KIF2A: variants seen among roughly 807,000 people sequenced by gnomAD.
The protein encoded by KIF2A is kinesin family member 2A.
Under a neutral mutation model 100.2 loss-of-function variants are expected in KIF2A, and 22 were observed. That is an observed-to-expected ratio of 0.22 (90% CI 0.16 to 0.31). The LOEUF (loss-of-function observed/expected upper bound fraction) is 0.31. Among genes scored for constraint, KIF2A ranks in the 10% least tolerant of loss-of-function variants. The pLI is 1.00. For synonymous variants in KIF2A, 268 were observed against 285.9 expected, an observed-to-expected ratio of 0.94 and a Z score of 0.63; for missense variants, 495 against 898.7, an observed-to-expected ratio of 0.55 and a Z score of 5.74.
At chr5:62,308,206 A>T (rs1454150681) in intron 1 of KIF2A, 1 of 483,480 alleles carries the variant, frequency 2.1e-6, no homozygotes, top group African/African-American at 1.9e-5. Context: ...TACCAATAAC[A>T]CTAATGGGAA....
chr5:62,328,223 C>G (rs531558409), intron 1 of KIF2A, among the ~76,000 whole-genome samples: 8 of 151,648 alleles, frequency 5.3e-5, no homozygotes, highest in Admixed American at 1.3e-4. Flanking sequence ...AATGTAGATA[C>G]GAAGAATAGC....
rs1283227353 is a variant in KIF2A, at chr5:62,363,724, A to G, written c.1292A>G (p.His431Arg). The G allele has an allele frequency of 6.2e-7, 1 of 1,613,966 alleles. No homozygotes were observed. The highest frequency in any genetic ancestry group is 8.5e-7 in the Non-Finnish European group (1 of 1,179,836). Residue 431 changes from histidine to arginine, a missense_variant, in exon 14 of 21, where the codon CAT becomes CGT. Around this residue, in one of 10 missense-constraint regions of KIF2A, gnomAD observed 38 missense variants for 99.5 expected, o/e 0.38. Coordinates refer to ENST00000407818, the MANE Select transcript of KIF2A (RefSeq NM_001098511.3). ...TCCGGTCAAACATCTGCAAATGCAC[A>G]TTCATCTCGGAGCCATGCAGTGTTT... ...RTSGQTSANA[H>R]SSRSHAVFQI...
intron 1 of KIF2A, among the ~76,000 whole-genome samples, chr5:62,327,136 G>C (rs1746416673): frequency 6.6e-6 from 1 of 151,988 alleles, no homozygotes; most frequent in South Asian, 2.1e-4. Flanking sequence ...GTAAATTCTT[G>C]ATCTCCTTTG....
chr5:62,361,642 C>T, intron 11 of KIF2A, 113 bp downstream of exon 11: 1 of 612,442 alleles, frequency 1.6e-6, no homozygotes, highest in Non-Finnish European at 2.9e-6. Context: ...TATTAACTGT[C>T]TATTATGTCA....
At chr5:62,375,915 T>G (rs771245539) in intron 18 of KIF2A, among the ~76,000 whole-genome samples, 4 of 152,196 alleles carry the variant, frequency 2.6e-5, no homozygotes, top group Non-Finnish European at 4.4e-5. Flanking sequence ...TGGTTCAAAC[T>G]AAGAGTTCTA....
At chr5:62,346,637 G>C (rs1302382580) in intron 1 of KIF2A, among the ~76,000 whole-genome samples, 1 of 152,268 alleles carries the variant, frequency 6.6e-6, no homozygotes, top group Admixed American at 6.5e-5. Flanking sequence ...CTACTTAGGA[G>C]GCTGAGGCAC....
chr5:62,383,874 T>G (rs1205355324), intron 20 of KIF2A, among the ~76,000 whole-genome samples: 1 of 152,194 alleles, frequency 6.6e-6, no homozygotes, highest in Non-Finnish European at 1.5e-5. Context: ...CCATAACTTT[T>G]AAGAAATTAC....
chr5:62,329,649 T>C, intron 1 of KIF2A, among the ~76,000 whole-genome samples: 1 of 152,250 alleles, frequency 6.6e-6, no homozygotes, highest in East Asian at 1.9e-4. Context: ...CTGTGAATAT[T>C]ACTGTGTAGT....
intron 1 of KIF2A, among the ~76,000 whole-genome samples, chr5:62,344,045 A>G (rs1430677957): frequency 1.3e-5 from 2 of 152,098 alleles, no homozygotes; most frequent in Admixed American, 6.6e-5. Context: ...TATTTTTCTC[A>G]TCTATAAATG....
At chr5:62,367,414 G>A (rs185345951) in intron 16 of KIF2A, among the ~76,000 whole-genome samples, 17 of 152,034 alleles carry the variant, frequency 1.1e-4, no homozygotes, top group Admixed American at 1.0e-3. Context: ...CCATAGGCGT[G>A]TACCACCATA....
chr5:62,307,401 T>C (rs1474658033), intron 1 of KIF2A, among the ~76,000 whole-genome samples: 1 of 152,126 alleles, frequency 6.6e-6, no homozygotes, highest in Non-Finnish European at 1.5e-5. Flanking sequence ...CTTAGGCTTA[T>C]GTATCTTTCT....
At chr5:62,352,768 G>C (rs960761308) in intron 5 of KIF2A, 58 bp downstream of exon 5, 3 of 1,451,034 alleles carry the variant, frequency 2.1e-6, no homozygotes, top group East Asian at 4.8e-5. Flanking sequence ...ATTCTCTCTT[G>C]GTCATCCTTT....
At chr5:62,374,440 C>T (rs1240009361) in intron 18 of KIF2A, among the ~76,000 whole-genome samples, 1 of 152,006 alleles carries the variant, frequency 6.6e-6, no homozygotes, top group African/African-American at 2.4e-5. Flanking sequence ...CCAATCTAAA[C>T]CATTCATTTT....
intron 1 of KIF2A, among the ~76,000 whole-genome samples, chr5:62,345,490 A>AAAG (rs1554040840): frequency 6.1e-5 from 9 of 147,846 alleles, no homozygotes; most frequent in Admixed American, 1.3e-4. Context: ...TCAAAAAAAA[A>AAAG]AAAAGAAAAG....
At position 62,361,463 on chromosome 5, in the gene KIF2A, T is replaced by C. The variant is rs1235347385; in HGVS notation, c.964-3T>C. ...TGTTCTTTATTTTCTTTTTAAAATA[T>C]AGACTATGGGTGGTGACTTTTCAGG... On this transcript the variant is annotated splice_region_variant and splice_polypyrimidine_tract_variant and intron_variant, in intron 10 of 20. Transcript: ENST00000407818. The C allele has an allele frequency of 1.3e-6, 2 of 1,555,310 alleles. No homozygotes were observed. The highest frequency in any genetic ancestry group is 8.8e-7 in the Non-Finnish European group (1 of 1,130,258).
At chr5:62,369,316 T>TA (rs1391051234) in intron 16 of KIF2A, among the ~76,000 whole-genome samples, 1 of 152,120 alleles carries the variant, frequency 6.6e-6, no homozygotes, top group Non-Finnish European at 1.5e-5. Context: ...TCAGGAAACT[T>TA]ACAGTCATGG....
At position 62,385,720 on chromosome 5, in the gene KIF2A, A is replaced by G. The variant is rs1436849277; in HGVS notation, c.*151A>G. On this transcript the variant is annotated 3_prime_UTR_variant, in exon 21 of 21. Transcript: ENST00000407818. The stretch of plus-strand genomic sequence containing the variant: ...GAATTACATTTCAATTTTGTGAAAC[A>G]CTCTTTTGTCTACAAAATGCTTCTA... 6 of 608,996 alleles carry G rather than the reference A, an allele frequency of 9.9e-6. No individual in the cohort carries two copies. The East Asian group carries it at 1.4e-4, about 14-fold the overall frequency. The allele number at this position is 608,996 out of a possible 1,614,324, so 37.7% of individuals were successfully genotyped here. A position where few individuals can be genotyped will look rare whatever the true frequency, so the allele number is the denominator to read the frequency against.
chr5:62,326,938 A>G (rs1295253330), intron 1 of KIF2A, among the ~76,000 whole-genome samples: 2 of 152,146 alleles, frequency 1.3e-5, no homozygotes, highest in African/African-American at 2.4e-5. Context: ...CGGAGATTGC[A>G]GTGAGCCGAG....
intron 1 of KIF2A, among the ~76,000 whole-genome samples, chr5:62,315,281 C>T (rs1279799117): frequency 6.7e-6 from 1 of 149,268 alleles, no homozygotes. Context: ...AGCAACCCAC[C>T]ACAGCCAATA....
Sources: gnomAD v4.1 joint callset for allele counts (sites outside exome capture counted in the v4.1 genomes callset) on GRCh38, gnomAD v4.1.1 for gene constraint, gnomAD v4.1.1 regional missense constraint, MANE v1.5 for transcripts, NCBI Gene and HGNC (gene_info 2026-07-23, HGNC 2026-07-21) for gene names.